The following SH3BP2 variants were observed in gnomAD, a reference collection of about 807,000 sequenced individuals.
SH3BP2 encodes the protein SH3 domain-binding protein 2.
In SH3BP2, 38 loss-of-function variants were observed where a neutral mutation model predicts 56.2. That is an observed-to-expected ratio of 0.68 (90% CI 0.52 to 0.89). The LOEUF is 0.89. Among genes scored for constraint, SH3BP2 ranks in the 40% least tolerant of loss-of-function variants. SH3BP2 has a pLI of 0.00. For synonymous variants in SH3BP2, 346 were observed against 316.7 expected (o/e 1.09, Z -0.98); for missense variants, 748 against 762.6 (o/e 0.98, Z 0.23).
At chr4:2,823,212 C>T (rs141885380) in intron 3 of SH3BP2, among the ~76,000 whole-genome samples, 175 bp downstream of exon 3, 96 of 152,316 alleles carry the variant, frequency 6.3e-4, no homozygotes, top group Non-Finnish European at 1.2e-3. Flanking sequence ...TCGCCCTCTC[C>T]GCGTGTCCTG....
intron 1 of SH3BP2, among the ~76,000 whole-genome samples, chr4:2,793,482 C>T (rs1262096801): frequency 6.8e-6 from 1 of 147,846 alleles, no homozygotes; most frequent in Non-Finnish European, 1.5e-5. Context: ...CTGGGCACGG[C>T]GGGCAGTGCC....
chr4:2,835,806 A>G lies in SH3BP2; in HGVS notation c.*1972A>G, dbSNP rs1036183908. On this transcript the variant is annotated 3_prime_UTR_variant, in exon 13 of 13. Coordinates refer to ENST00000503393, the MANE Select transcript of SH3BP2 (RefSeq NM_001122681.2). ...CGCCTGGCTAATTTTTTGTATTTTTAGTAGAGACGGGATTTTATCATGTTG... is the reference window on the plus strand; with the variant it reads ...CGCCTGGCTAATTTTTTGTATTTTTGGTAGAGACGGGATTTTATCATGTTG... 1 of 152,046 alleles carries G rather than the reference A, an allele frequency of 6.6e-6. No individual in the cohort carries two copies. The highest frequency in any genetic ancestry group is 1.5e-5 in the Non-Finnish European group (1 of 68,038). 9.4% of individuals were successfully genotyped at this position (152,046 alleles called of 1,614,324 possible).
chr4:2,833,159 C>T, intron 12 of SH3BP2, 110 bp downstream of exon 12: 1 of 948,948 alleles, frequency 1.1e-6, no homozygotes, highest in Non-Finnish European at 1.7e-6. Flanking sequence ...ACTGGCACCT[C>T]CAGGATACCG....
At chr4:2,827,090 T>C (rs1386315665) in intron 5 of SH3BP2, 140 bp from the exon 6 acceptor site, 3 of 723,864 alleles carry the variant, frequency 4.1e-6, no homozygotes, top group Admixed American at 4.0e-5. Context: ...CATGTGTGCA[T>C]GTGTTTGTCA....
At chr4:2,823,825 C>T (rs1281131902) in intron 3 of SH3BP2, among the ~76,000 whole-genome samples, 5 of 152,246 alleles carry the variant, frequency 3.3e-5, no homozygotes, top group Non-Finnish European at 5.9e-5. Context: ...CTCTAGGCCC[C>T]GGCCTGCACC....
At chr4:2,823,959 G>A (rs1364477826) in intron 3 of SH3BP2, among the ~76,000 whole-genome samples, 1 of 152,222 alleles carries the variant, frequency 6.6e-6, no homozygotes, top group Non-Finnish European at 1.5e-5. Context: ...CAGACACAGC[G>A]CCTTCCGGCC....
chr4:2,800,174 G>A (rs1186056146), intron 1 of SH3BP2, among the ~76,000 whole-genome samples: 1 of 152,012 alleles, frequency 6.6e-6, no homozygotes, highest in African/African-American at 2.4e-5. Context: ...GGGATGAAAG[G>A]GGAGGGAGCA....
chr4:2,798,967 T>C, intron 1 of SH3BP2: 1 of 985,620 alleles, frequency 1.0e-6, no homozygotes, highest in Non-Finnish European at 1.2e-6. Context: ...GCGGGGTGTG[T>C]GGGAGTGGCC....
At chr4:2,805,797 G>A (rs1330706066) in intron 1 of SH3BP2, among the ~76,000 whole-genome samples, 1 of 152,198 alleles carries the variant, frequency 6.6e-6, no homozygotes, top group East Asian at 1.9e-4. Context: ...GTCTAGATGA[G>A]GGGCCAAGGG....
chr4:2,827,198 C>T (rs1243774456), intron 5 of SH3BP2, 32 bp from the exon 6 acceptor site: 5 of 1,599,406 alleles, frequency 3.1e-6, no homozygotes, highest in Non-Finnish European at 3.4e-6. Flanking sequence ...GCCTGGTGCT[C>T]ACCGTCCGCC....
chr4:2,808,504 C>T (rs1304245435), intron 1 of SH3BP2, among the ~76,000 whole-genome samples: 1 of 152,118 alleles, frequency 6.6e-6, no homozygotes, highest in East Asian at 1.9e-4. Context: ...CAGGCAGGGT[C>T]CTTCTTTCTA....
chr4:2,827,497 C>T (rs928363901), intron 6 of SH3BP2, 109 bp from the exon 7 acceptor site: 10 of 1,260,188 alleles, frequency 7.9e-6, no homozygotes, highest in African/African-American at 1.5e-5. Flanking sequence ...ACAGTCCTCC[C>T]AGCAGGTGCT....
rs1269353194 is a variant in SH3BP2 at position 2,831,022 on chromosome 4, CTG to C, written c.1242-546_1242-545del. ...GTTCGGAAGTCACGTTTTTCCATGA[CTG>C]TGGGGATAGCGGTTCCAGGGCTCAG... On this transcript the variant is annotated intron_variant, in intron 8 of 12. Transcript: ENST00000503393. This position sits in a 1 kb window ranked among gnomAD's most constrained non-coding sequence, Gnocchi z 4.1. Among the ~76,000 whole-genome samples the C allele has an allele frequency of 6.6e-6, 1 of 152,252 alleles. No individual in the cohort carries two copies. The highest frequency in any genetic ancestry group is 1.5e-5 in the Non-Finnish European group (1 of 68,036).
chr4:2,821,731 G>T (rs1195554385), intron 2 of SH3BP2, among the ~76,000 whole-genome samples: 1 of 152,134 alleles, frequency 6.6e-6, no homozygotes, highest in Non-Finnish European at 1.5e-5. Context: ...TTCTTGTAGA[G>T]ATGGAATTTC....
Position 2,829,633 on chromosome 4 carries a change from G to A in SH3BP2, c.727G>A (p.Gly243Ser), listed in dbSNP as rs774452284. ...PLLPPPPPKH[G>S]LPDVGLAAED... Reference sequence around the variant, plus strand: ...ACTGCCACCCCCGCCCCCTAAGCACGGCCTCCCAGATGTTGGCCTGGCTGC... The same window carrying A: ...ACTGCCACCCCCGCCCCCTAAGCACAGCCTCCCAGATGTTGGCCTGGCTGC... Residue 243 changes from glycine to serine, a missense_variant, in exon 8 of 13, where the codon GGC (glycine) becomes AGC (serine). Physicochemically the swap from Gly to Ser is moderately conservative, Grantham distance 56. This residue lies in a region of SH3BP2 where 635 missense variants were observed against 615.0 expected (regional missense o/e 1.03). Transcript: ENST00000503393. The surrounding 1 kb of genome is among the most constrained non-coding windows in gnomAD (Gnocchi z 4.9). 9 of 1,606,266 alleles carry A rather than the reference G, an allele frequency of 5.6e-6. No individual in the cohort carries two copies. Among genetic ancestry groups the A allele is most frequent in the Middle Eastern group, 3.3e-4 (2 of 6,060 alleles).
intron 12 of SH3BP2, 154 bp downstream of exon 12, chr4:2,833,203 C>T (rs545936581): frequency 1.5e-5 from 11 of 717,472 alleles, no homozygotes; most frequent in Non-Finnish European, 9.9e-6. Flanking sequence ...GCTCACCCCC[C>T]ACCCCTCCTG....
At chr4:2,818,826 C>T (rs2108723499) in intron 1 of SH3BP2, 1 of 986,444 alleles carries the variant, frequency 1.0e-6, no homozygotes, top group Non-Finnish European at 1.2e-6. Context: ...GCCGGGTGAC[C>T]CAGGCCGAGG....
At chr4:2,819,320 A>G (rs1041768112) in intron 1 of SH3BP2, among the ~76,000 whole-genome samples, 14 of 152,252 alleles carry the variant, frequency 9.2e-5, no homozygotes, top group Non-Finnish European at 1.9e-4. Flanking sequence ...CCTGGGCTCA[A>G]GTGATCCTCC....
Position 2,829,643 on chromosome 4 carries a change from A to C in SH3BP2, c.737A>C (p.Asp246Ala). 2 of 1,612,324 alleles carry C rather than the reference A, an allele frequency of 1.2e-6. No homozygotes were observed. Among genetic ancestry groups the C allele is most frequent in the Non-Finnish European group, 1.7e-6 (2 of 1,179,600 alleles). Residue 246 changes from aspartate (D) to alanine (A), a missense_variant, in exon 8 of 13, where the codon GAT becomes GCT. Transcript: ENST00000503393. This position sits in a 1 kb window ranked among gnomAD's most constrained non-coding sequence, Gnocchi z 4.9. ...CCGCCCCCTAAGCACGGCCTCCCAG[A>C]TGTTGGCCTGGCTGCTGAGGACTCC... ...PPPPPKHGLP[D>A]VGLAAEDSKR... is the part of the protein sequence containing the mutation.
Sources: allele counts gnomAD v4.1 joint callset (sites outside exome capture counted in the v4.1 genomes callset), GRCh38; gene constraint gnomAD v4.1.1; regional missense constraint gnomAD v4.1.1; non-coding constraint Gnocchi (gnomAD v3.1); transcripts MANE v1.5; gene names NCBI Gene and HGNC (gene_info 2026-07-23, HGNC 2026-07-21).